The following HTR2C variants were observed in gnomAD, a reference collection of about 807,000 sequenced individuals.
HTR2C encodes the protein 5-hydroxytryptamine receptor 2C.
A neutral mutation model predicts 21.0 loss-of-function variants in HTR2C; 5 were observed. That is an observed-to-expected ratio of 0.24 (90% confidence interval 0.12 to 0.50). HTR2C has a LOEUF of 0.50. HTR2C is among the 20% of genes least tolerant of loss of function. The pLI, the probability that HTR2C is intolerant of heterozygous loss-of-function variation, is 0.98. For missense variants in HTR2C, 271 were observed against 371.2 expected (o/e 0.73, Z 2.22); for synonymous variants, 150 against 145.3 (o/e 1.03, Z -0.23).
chrX:114,747,155 A>G (rs2069713658), intron 4 of HTR2C, among the ~76,000 whole-genome samples: 1 of 112,098 alleles, frequency 8.9e-6, no homozygotes, highest in Non-Finnish European at 1.9e-5. Flanking sequence ...AGCCTGGATG[A>G]CAGAACGAGA....
chrX:114,726,489 G>T (rs782207740), intron 2 of HTR2C, among the ~76,000 whole-genome samples: 1 of 112,604 alleles, frequency 8.9e-6, no homozygotes, highest in Non-Finnish European at 1.9e-5. Context: ...CGTCGCTCAC[G>T]CTGGGAGCTG....
intron 5 of HTR2C, among the ~76,000 whole-genome samples, chrX:114,859,414 A>G (rs1556472230): frequency 9.0e-6 from 1 of 110,602 alleles, no homozygotes; most frequent in African/African-American, 3.3e-5. Flanking sequence ...GGCAATATTA[A>G]TATTTTCTTT....
chrX:114,769,236 A>G (rs782089126), intron 4 of HTR2C, among the ~76,000 whole-genome samples: 2 of 111,491 alleles, frequency 1.8e-5, no homozygotes, highest in South Asian at 7.4e-4. Flanking sequence ...TACAATAACA[A>G]TAACAAAAAT....
intron 4 of HTR2C, among the ~76,000 whole-genome samples, chrX:114,769,804 C>T (rs2069982308): frequency 1.8e-5 from 2 of 110,744 alleles, no homozygotes; most frequent in Admixed American, 1.9e-4. Flanking sequence ...TCTTTTAAAC[C>T]ATTTGGAAAG....
At chrX:114,753,534 G>C (rs2069782368) in intron 4 of HTR2C, among the ~76,000 whole-genome samples, 1 of 111,331 alleles carries the variant, frequency 9.0e-6, no homozygotes, top group Non-Finnish European at 1.9e-5. Context: ...TGTTTTTGTA[G>C]AACATCTCAA....
chrX:114,880,085 A>G (rs938144969), intron 5 of HTR2C, among the ~76,000 whole-genome samples: 22 of 110,136 alleles, frequency 2.0e-4, no homozygotes, highest in Non-Finnish European at 3.4e-4. Context: ...GCTCATTATT[A>G]TAAAGTGTAT....
chrX:114,611,326 G>T lies in HTR2C; in HGVS notation c.-146-2489G>T, dbSNP rs782708483. ...GTGGGAGCTTCGACGGGCATAACAG[G>T]TCATTAATGTGTATTGAGATGATCT... On this transcript the variant is annotated intron_variant, in intron 1 of 5. Transcript: ENST00000276198. Among the ~76,000 whole-genome samples the T allele has an allele frequency of 1.9e-3, 210 of 111,664 alleles. 1 individual carries two copies. The highest frequency in any genetic ancestry group is 3.6e-3 in the Non-Finnish European group (193 of 53,139).
At chrX:114,611,064 T>G in intron 1 of HTR2C, among the ~76,000 whole-genome samples, 1 of 112,457 alleles carries the variant, frequency 8.9e-6, no homozygotes, top group Admixed American at 9.5e-5. Context: ...GGATAATTTT[T>G]AATGACGGAG....
chrX:114,749,505 T>C (rs1020129687), intron 4 of HTR2C, among the ~76,000 whole-genome samples: 21 of 102,688 alleles, frequency 2.0e-4, no homozygotes, highest in African/African-American at 6.8e-4. Context: ...TTAGGAGTCT[T>C]ACAGTAGAGA....
At chrX:114,700,153 A>C (rs1362367518) in intron 2 of HTR2C, among the ~76,000 whole-genome samples, 2 of 111,897 alleles carry the variant, frequency 1.8e-5, no homozygotes, top group Non-Finnish European at 3.8e-5. Context: ...GTAGAATATG[A>C]ATGATGCCTA....
chrX:114,864,240 G>A (rs903177524), intron 5 of HTR2C, among the ~76,000 whole-genome samples: 4 of 110,628 alleles, frequency 3.6e-5, no homozygotes, highest in Non-Finnish European at 5.7e-5. Context: ...TTACCTTTAT[G>A]AATTGATACT....
intron 4 of HTR2C, among the ~76,000 whole-genome samples, chrX:114,839,403 T>C (rs2147480814): frequency 8.9e-6 from 1 of 112,071 alleles, no homozygotes; most frequent in African/African-American, 3.2e-5. Flanking sequence ...TTTAGTTTTT[T>C]TGGTTGGGTG....
chrX:114,881,483 T>G (rs1479499849), intron 5 of HTR2C, among the ~76,000 whole-genome samples: 6 of 108,191 alleles, frequency 5.5e-5, no homozygotes, highest in Non-Finnish European at 7.7e-5. Context: ...CTTTTAGGTC[T>G]TTGAACTATT....
At chrX:114,637,517 T>C (rs1569480176) in intron 2 of HTR2C, among the ~76,000 whole-genome samples, 2 of 111,820 alleles carry the variant, frequency 1.8e-5, no homozygotes, top group Non-Finnish European at 3.8e-5. Flanking sequence ...AATTTGAAAG[T>C]AGATTATTTA....
chrX:114,813,033 T>C (rs2070550357), intron 4 of HTR2C, among the ~76,000 whole-genome samples: 1 of 111,799 alleles, frequency 8.9e-6, no homozygotes, highest in Non-Finnish European at 1.9e-5. Context: ...AAAAGGACTT[T>C]ACAGTTTTGT....
At chrX:114,700,373 A>C (rs1556416482) in intron 2 of HTR2C, among the ~76,000 whole-genome samples, 3 of 111,915 alleles carry the variant, frequency 2.7e-5, no homozygotes, top group African/African-American at 6.5e-5. Flanking sequence ...ATTTTATTGA[A>C]TAATAACTAC....
At chrX:114,605,612 A>G (rs1556396566) in intron 1 of HTR2C, among the ~76,000 whole-genome samples, 1 of 111,182 alleles carries the variant, frequency 9.0e-6, no homozygotes, top group East Asian at 2.8e-4. Context: ...TCAAAGTGCC[A>G]TTTTCTGGCT....
intron 4 of HTR2C, among the ~76,000 whole-genome samples, chrX:114,818,969 C>G (rs1382272653): frequency 9.0e-6 from 1 of 111,052 alleles, no homozygotes; most frequent in Non-Finnish European, 1.9e-5. Flanking sequence ...TTTTAAATGC[C>G]TTTTCTACTC....
chrX:114,837,698 CAAA>C (rs11339786), intron 4 of HTR2C, among the ~76,000 whole-genome samples: 1 of 102,764 alleles, frequency 9.7e-6, no homozygotes. Flanking sequence ...GTCCTACAGT[CAAA>C]AAAAAAAAAT....
Sources: gnomAD v4.1 joint callset for allele counts (sites outside exome capture counted in the v4.1 genomes callset) on GRCh38, gnomAD v4.1.1 for gene constraint, MANE v1.5 for transcripts, NCBI Gene and HGNC (gene_info 2026-07-23, HGNC 2026-07-21) for gene names.